MYRIP: variants seen among roughly 807,000 people sequenced by gnomAD.
The protein encoded by MYRIP is myosin VIIA and Rab interacting protein.
A neutral mutation model predicts 98.0 loss-of-function variants in MYRIP; 49 were observed. That is an observed-to-expected ratio of 0.50 (90% CI 0.40 to 0.63). MYRIP has a LOEUF of 0.63. MYRIP is among the 30% of genes least tolerant of loss of function. The probability of loss-of-function intolerance (pLI) is 0.00; values close to 1 mark genes in which losing one functional copy is unlikely to be tolerated. For synonymous variants in MYRIP, 404 were observed against 409.5 expected (o/e 0.99, Z 0.16); for missense variants, 1,004 against 1,058.2 (o/e 0.95, Z 0.71).
intron 1 of MYRIP, among the ~76,000 whole-genome samples, chr3:39,842,577 G>A (rs1453715453): frequency 6.6e-6 from 1 of 152,114 alleles, no homozygotes; most frequent in Non-Finnish European, 1.5e-5. Context: ...TGAAACCCAG[G>A]GCCCTGGTGG....
chr3:39,846,719 C>T (rs1941975696), intron 1 of MYRIP, among the ~76,000 whole-genome samples: 1 of 152,122 alleles, frequency 6.6e-6, no homozygotes, highest in African/African-American at 2.4e-5. Flanking sequence ...TGTTAGGGTT[C>T]TTGAGAGAAA....
intron 7 of MYRIP, among the ~76,000 whole-genome samples, chr3:40,168,851 G>GGGA (rs1162085587): frequency 1.2e-4 from 18 of 152,202 alleles, no homozygotes; most frequent in Non-Finnish European, 2.5e-4. Context: ...TCCCTATACT[G>GGGA]GGAGGGTCTG....
chr3:40,021,016 G>T (rs901705476), intron 2 of MYRIP, among the ~76,000 whole-genome samples: 1 of 152,124 alleles, frequency 6.6e-6, no homozygotes, highest in South Asian at 2.1e-4. Flanking sequence ...CACAGATCTT[G>T]TAGGGATTAA....
chr3:40,135,330 A>C (rs1402241045), intron 3 of MYRIP, among the ~76,000 whole-genome samples: 3 of 152,208 alleles, frequency 2.0e-5, no homozygotes, highest in African/African-American at 7.2e-5. Flanking sequence ...AGAAGTTTAG[A>C]GAAAAAAGAA....
At chr3:39,859,029 C>A in intron 1 of MYRIP, among the ~76,000 whole-genome samples, 1 of 136,806 alleles carries the variant, frequency 7.3e-6, no homozygotes, top group Non-Finnish European at 1.6e-5. Flanking sequence ...AGAAAGGAAG[C>A]AATAAATATT....
intron 2 of MYRIP, among the ~76,000 whole-genome samples, chr3:39,976,401 G>T (rs1945751628): frequency 6.6e-6 from 1 of 152,212 alleles, no homozygotes; most frequent in Non-Finnish European, 1.5e-5. Context: ...AACAACAGGT[G>T]CTGGAGAGGA....
intron 2 of MYRIP, among the ~76,000 whole-genome samples, chr3:40,006,800 T>C (rs1419406741): frequency 6.6e-6 from 1 of 152,220 alleles, no homozygotes; most frequent in Non-Finnish European, 1.5e-5. Context: ...TTGAGCTGAA[T>C]GGAAAACTGC....
chr3:40,081,666 A>G (rs962763634), intron 3 of MYRIP, among the ~76,000 whole-genome samples: 1 of 152,258 alleles, frequency 6.6e-6, no homozygotes, highest in Non-Finnish European at 1.5e-5. Context: ...TCATTACCTC[A>G]CATACCACTT....
At chr3:40,255,842 T>C (rs934768156) in intron 16 of MYRIP, among the ~76,000 whole-genome samples, 4 of 152,236 alleles carry the variant, frequency 2.6e-5, no homozygotes, top group Non-Finnish European at 4.4e-5. Flanking sequence ...CTAACTATGC[T>C]TTATAGATCA....
In MYRIP at chr3:40,126,399, G is replaced by A. The variant is rs1430644289; in HGVS notation, c.333-24649G>A. On this transcript the variant is annotated intron_variant, in intron 3 of 16. Transcript: ENST00000302541. ...AAGAATCAAACACATTTCCAGCCAA[G>A]TCTGTTTTTACTGTTAATTTACTGA... is the stretch of plus-strand genomic sequence containing the variant. Among the ~76,000 whole-genome samples, 8 of 152,218 alleles carry A rather than the reference G, an allele frequency of 5.3e-5. 1 individual carries two copies. Among genetic ancestry groups the A allele is most frequent in the Admixed American group, 3.9e-4 (6 of 15,288 alleles).
chr3:39,975,133 A>T (rs1945712943), intron 2 of MYRIP, among the ~76,000 whole-genome samples: 1 of 152,220 alleles, frequency 6.6e-6, no homozygotes, highest in South Asian at 2.1e-4. Context: ...ACATGATTGT[A>T]TGTCTAGAAA....
chr3:40,060,113 C>T (rs144599264), intron 3 of MYRIP, among the ~76,000 whole-genome samples: 185 of 152,188 alleles, frequency 1.2e-3, no homozygotes, highest in African/African-American at 4.4e-3. Flanking sequence ...GGCTTCAAAG[C>T]TGTCAACTGC....
intron 3 of MYRIP, among the ~76,000 whole-genome samples, chr3:40,075,329 A>G (rs1345476569): frequency 1.3e-5 from 2 of 152,240 alleles, no homozygotes; most frequent in South Asian, 2.1e-4. Context: ...CTAATGCCTA[A>G]GAAAAACTGG....
intron 2 of MYRIP, among the ~76,000 whole-genome samples, chr3:40,016,905 T>C (rs1575467043): frequency 6.6e-6 from 1 of 152,188 alleles, no homozygotes; most frequent in Non-Finnish European, 1.5e-5. Context: ...CAGGGCCAGG[T>C]GTTACCTTCT....
rs1483330015 is a variant in MYRIP at position 40,149,428 on chromosome 3, T to TGG, written c.333-1619_333-1618insGG. Reference sequence around the variant, plus strand: ...TAGCATTGGGGATCACATTTTAACATGAGATTTGCAATTGGGACAAATATC... The same window carrying TGG: ...TAGCATTGGGGATCACATTTTAACATGGGAGATTTGCAATTGGGACAAATATC... On this transcript the variant is annotated intron_variant, in intron 3 of 16. Coordinates refer to ENST00000302541, the MANE Select transcript of MYRIP (RefSeq NM_015460.4). Among the ~76,000 whole-genome samples, 6 of 152,306 alleles carry TGG rather than the reference T, an allele frequency of 3.9e-5. 1 individual carries two copies. Among genetic ancestry groups the TGG allele is most frequent in the African/African-American group, 1.4e-4 (6 of 41,568 alleles).
chr3:39,853,448 T>C (rs1942198987), intron 1 of MYRIP, among the ~76,000 whole-genome samples: 1 of 152,226 alleles, frequency 6.6e-6, no homozygotes, highest in Non-Finnish European at 1.5e-5. Flanking sequence ...ATTATGACCA[T>C]TCTTGCAGGA....
chr3:39,986,278 A>G (rs1575438993), intron 2 of MYRIP, among the ~76,000 whole-genome samples: 1 of 152,136 alleles, frequency 6.6e-6, no homozygotes. Flanking sequence ...TTCTGGTTAC[A>G]CTTGGTCCCT....
intron 1 of MYRIP, among the ~76,000 whole-genome samples, chr3:39,826,758 T>G (rs1378994292): frequency 6.6e-6 from 1 of 152,170 alleles, no homozygotes; most frequent in Non-Finnish European, 1.5e-5. Flanking sequence ...ATGATTATTG[T>G]ATTGAGGTTT....
intron 1 of MYRIP, among the ~76,000 whole-genome samples, chr3:39,890,635 GA>G (rs1943460872): frequency 7.4e-6 from 1 of 134,368 alleles, no homozygotes; most frequent in Non-Finnish European, 1.6e-5. Context: ...CAGGTTAGCT[GA>G]TTTTTTTTTT....
Sources: gnomAD v4.1 joint callset for allele counts (sites outside exome capture counted in the v4.1 genomes callset) on GRCh38, gnomAD v4.1.1 for gene constraint, MANE v1.5 for transcripts, NCBI Gene and HGNC (gene_info 2026-07-23, HGNC 2026-07-21) for gene names.